Variants in ZNF277 observed in about 807,000 individuals in gnomAD.
The protein encoded by ZNF277 is zinc finger protein 277, also known as nuclear receptor-interacting factor 4.
A neutral mutation model predicts 60.7 loss-of-function variants in ZNF277; 55 were observed. The ratio of observed to expected loss-of-function variants is 0.91; its 90% CI spans 0.73 to 1.13. The LOEUF (loss-of-function observed/expected upper bound fraction) is 1.13. ZNF277 is among the 50% of genes most tolerant of loss of function. The probability of loss-of-function intolerance (pLI) is 0.00; values close to 1 mark genes in which losing one functional copy is unlikely to be tolerated. For missense variants in ZNF277, 510 were observed against 523.0 expected, an observed-to-expected ratio of 0.98 and a Z score of 0.24; for synonymous variants, 178 against 179.3, an observed-to-expected ratio of 0.99 and a Z score of 0.06.
chr7:112,302,869 T>G (rs746238571), intron 4 of ZNF277, among the ~76,000 whole-genome samples: 1 of 151,760 alleles, frequency 6.6e-6, no homozygotes, highest in Non-Finnish European at 1.5e-5. Context: ...CTCCTAAATT[T>G]CCAACCCCAA....
chr7:112,244,559 A>G (rs1791036284), intron 1 of ZNF277, among the ~76,000 whole-genome samples: 1 of 152,212 alleles, frequency 6.6e-6, no homozygotes, highest in Admixed American at 6.5e-5. Context: ...AAATTAAAAC[A>G]GAGAATTTAG....
intron 1 of ZNF277, among the ~76,000 whole-genome samples, chr7:112,211,852 C>A (rs1271853902): frequency 6.6e-6 from 1 of 152,194 alleles, no homozygotes; most frequent in Non-Finnish European, 1.5e-5. Flanking sequence ...TTCTTGAGGT[C>A]AAGAGTTGCC....
At chr7:112,219,272 C>T (rs143921282) in intron 1 of ZNF277, among the ~76,000 whole-genome samples, 33 of 152,004 alleles carry the variant, frequency 2.2e-4, no homozygotes, top group African/African-American at 6.5e-4. Flanking sequence ...CTTTTGGGGT[C>T]GTGTACAAAA....
intron 7 of ZNF277, chr7:112,330,570 T>TG (rs1793207072): frequency 4.9e-6 from 1 of 202,276 alleles, no homozygotes; most frequent in African/African-American, 3.0e-5. Context: ...TTTTTTTTTT[T>TG]TCTTTTTTTC....
chr7:112,207,667 C>A (rs1030604357), intron 1 of ZNF277, among the ~76,000 whole-genome samples: 1 of 149,296 alleles, frequency 6.7e-6, no homozygotes, highest in Non-Finnish European at 1.5e-5. Context: ...CCATTTTTGT[C>A]TTGATGTGTA....
chr7:112,216,744 C>T (rs1821894832), intron 1 of ZNF277, among the ~76,000 whole-genome samples: 1 of 152,128 alleles, frequency 6.6e-6, no homozygotes, highest in African/African-American at 2.4e-5. Flanking sequence ...AGGTTTACAG[C>T]TTGGGAGCCG....
At chr7:112,341,736 C>T (rs1385185814) in intron 11 of ZNF277, among the ~76,000 whole-genome samples, 1 of 152,170 alleles carries the variant, frequency 6.6e-6, no homozygotes, top group Non-Finnish European at 1.5e-5. Context: ...TTCTGGATAA[C>T]CTCAGTCGAG....
At chr7:112,292,602 T>A (rs180814734) in intron 2 of ZNF277, among the ~76,000 whole-genome samples, 7 of 152,298 alleles carry the variant, frequency 4.6e-5, no homozygotes. Flanking sequence ...TTTTCTGCAT[T>A]TCTTGTACCG....
chr7:112,273,910 G>T (rs998990076), intron 1 of ZNF277, among the ~76,000 whole-genome samples: 2 of 152,066 alleles, frequency 1.3e-5, no homozygotes, highest in East Asian at 3.9e-4. Flanking sequence ...ATGATCAAAT[G>T]AGTATCAGCT....
chr7:112,327,566 A>G, intron 5 of ZNF277, 151 bp from the exon 6 acceptor site: 3 of 629,560 alleles, frequency 4.8e-6, no homozygotes, highest in Non-Finnish European at 8.3e-6. Flanking sequence ...ATACTTTATA[A>G]TGTCACTCTT....
intron 11 of ZNF277, among the ~76,000 whole-genome samples, chr7:112,341,429 C>T (rs529482492): frequency 4.6e-5 from 7 of 152,172 alleles, no homozygotes; most frequent in South Asian, 4.1e-4. Context: ...ATCTATTCTG[C>T]GAGATACTTA....
At chr7:112,273,226 G>A (rs1184442079) in intron 1 of ZNF277, among the ~76,000 whole-genome samples, 1 of 152,186 alleles carries the variant, frequency 6.6e-6, no homozygotes, top group African/African-American at 2.4e-5. Flanking sequence ...AACTCAGGTT[G>A]TGACCGCTGG....
chr7:112,293,784 A>G (rs1254038397), intron 2 of ZNF277, among the ~76,000 whole-genome samples: 1 of 152,120 alleles, frequency 6.6e-6, no homozygotes, highest in East Asian at 1.9e-4. Context: ...AACTAATTAT[A>G]TAGGGCTGAC....
At chr7:112,287,495 A>G (rs1792098955) in intron 2 of ZNF277, 1 of 152,624 alleles carries the variant, frequency 6.6e-6, no homozygotes, top group Non-Finnish European at 1.5e-5. Flanking sequence ...GACTTAAAAA[A>G]AAAAACTTTA....
chr7:112,313,591 C>T (rs1249801150), intron 4 of ZNF277, among the ~76,000 whole-genome samples: 1 of 152,050 alleles, frequency 6.6e-6, no homozygotes, highest in Non-Finnish European at 1.5e-5. Flanking sequence ...CTATGTATCT[C>T]TGTATATATT....
chr7:112,330,276 G>A (rs1793196501), intron 7 of ZNF277, 60 bp downstream of exon 7: 3 of 1,547,620 alleles, frequency 1.9e-6, no homozygotes, highest in Non-Finnish European at 2.7e-6. Context: ...AAATCTTTCT[G>A]AGGACCAACT....
At chr7:112,297,468 A>G (rs1177550247) in intron 4 of ZNF277, among the ~76,000 whole-genome samples, 1 of 152,198 alleles carries the variant, frequency 6.6e-6, no homozygotes, top group Non-Finnish European at 1.5e-5. Context: ...AAGGAGAAAA[A>G]TAAATGCTAT....
At chr7:112,326,402 C>T (rs775973561) in intron 5 of ZNF277, among the ~76,000 whole-genome samples, 2 of 152,130 alleles carry the variant, frequency 1.3e-5, no homozygotes, top group Non-Finnish European at 2.9e-5. Context: ...ACCTACCACA[C>T]TGCCTACAAG....
At chr7:112,231,213 A>T (rs1587096601) in intron 1 of ZNF277, among the ~76,000 whole-genome samples, 1 of 5,068 alleles carries the variant, frequency 2.0e-4, no homozygotes, top group African/African-American at 7.5e-4. Flanking sequence ...ACTCCGTCTC[A>T]AAAAAAAAAA....
Sources: allele counts gnomAD v4.1 joint callset (sites outside exome capture counted in the v4.1 genomes callset), GRCh38; gene constraint gnomAD v4.1.1; transcripts MANE v1.5; gene names NCBI Gene and HGNC (gene_info 2026-07-23, HGNC 2026-07-21).